The following APBB1IP variants were observed in gnomAD, a reference collection of about 807,000 sequenced individuals.
The protein encoded by APBB1IP is amyloid beta precursor protein binding family B member 1 interacting protein.
APBB1IP carries 27 observed loss-of-function variants against 64.9 expected under a neutral mutation model. That is an observed-to-expected ratio of 0.42 (90% CI 0.31 to 0.57). The LOEUF (loss-of-function observed/expected upper bound fraction) is 0.57, where lower values mean the gene tolerates loss of function less well. Among genes scored for constraint, APBB1IP ranks in the 20% least tolerant of loss-of-function variants. APBB1IP has a pLI of 0.20. For synonymous variants in APBB1IP, 392 were observed against 331.0 expected (o/e 1.18, Z -2.00); for missense variants, 812 against 845.5 (o/e 0.96, Z 0.49).
chr10:26,536,188 A>G lies in APBB1IP; in HGVS notation c.1015A>G (p.Ile339Val). 1 of 1,601,570 alleles carries G rather than the reference A, an allele frequency of 6.2e-7. No individual in the cohort carries two copies. The change falls in exon 10 of 15, where the codon ATT becomes GTT. Residue 339 changes from isoleucine to valine, a missense_variant. Ile to Val is a conservative substitution (Grantham distance 29). This residue lies in a region of APBB1IP where 394 missense variants were observed against 413.1 expected (regional missense o/e 0.95). Coordinates refer to ENST00000376236, the MANE Select transcript of APBB1IP (RefSeq NM_019043.4). The part of the protein sequence containing the change: ...RRYFLLRASG[I>V]YYVPKGKTKT... ...CTATTTTCTTTTACGGGCTTCTGGAATTTATTATGTACCCAAAGGAAAGAC... is the reference window on the plus strand; with the variant it reads ...CTATTTTCTTTTACGGGCTTCTGGAGTTTATTATGTACCCAAAGGAAAGAC...
chr10:26,476,946 G>A (rs1308729723), intron 2 of APBB1IP, among the ~76,000 whole-genome samples: 4 of 152,006 alleles, frequency 2.6e-5, no homozygotes, highest in African/African-American at 4.8e-5. Flanking sequence ...GATTACAGGC[G>A]TATGCCACCA....
intron 8 of APBB1IP, among the ~76,000 whole-genome samples, chr10:26,530,792 T>A (rs1317408351): frequency 6.6e-6 from 1 of 152,168 alleles, no homozygotes; most frequent in East Asian, 1.9e-4. Flanking sequence ...GCAATAGCAA[T>A]GGTACCTATG....
chr10:26,514,730 G>A (rs979054333), intron 8 of APBB1IP, among the ~76,000 whole-genome samples: 21 of 151,850 alleles, frequency 1.4e-4, no homozygotes, highest in Admixed American at 4.6e-4. Flanking sequence ...GCTTCCTTGC[G>A]GGAAAATTTC....
At chr10:26,440,417 C>T (rs1835327478) in intron 2 of APBB1IP, among the ~76,000 whole-genome samples, 1 of 152,096 alleles carries the variant, frequency 6.6e-6, no homozygotes, top group Non-Finnish European at 1.5e-5. Context: ...TAATCATAAC[C>T]ATAACAGATT....
At chr10:26,553,418 G>A (rs1358205743) in intron 11 of APBB1IP, among the ~76,000 whole-genome samples, 5 of 152,112 alleles carry the variant, frequency 3.3e-5, no homozygotes, top group Admixed American at 6.5e-5. Flanking sequence ...TTGGGAGGCC[G>A]AGGCAGGGGG....
intron 8 of APBB1IP, among the ~76,000 whole-genome samples, chr10:26,516,784 C>T (rs1836336837): frequency 6.6e-6 from 1 of 152,116 alleles, no homozygotes; most frequent in South Asian, 2.1e-4. Context: ...AAGGCAACGT[C>T]TTGCATGACT....
intron 2 of APBB1IP, among the ~76,000 whole-genome samples, chr10:26,488,470 C>A (rs1244735669): frequency 1.3e-5 from 2 of 152,078 alleles, no homozygotes; most frequent in African/African-American, 4.8e-5. Context: ...TGGCCTCAAG[C>A]AATCCTCTCC....
At chr10:26,534,992 G>A (rs1269689894) in intron 9 of APBB1IP, among the ~76,000 whole-genome samples, 1 of 152,130 alleles carries the variant, frequency 6.6e-6, no homozygotes, top group Non-Finnish European at 1.5e-5. Context: ...AATGTACTTG[G>A]AGGATGCAAA....
At chr10:26,555,346 C>T (rs929558709) in intron 11 of APBB1IP, among the ~76,000 whole-genome samples, 8 of 152,206 alleles carry the variant, frequency 5.3e-5, no homozygotes, top group African/African-American at 1.7e-4. Context: ...ATTTCTGCTT[C>T]TTCATTCCAT....
At chr10:26,542,277 C>T (rs1033590566) in intron 11 of APBB1IP, among the ~76,000 whole-genome samples, 1 of 152,156 alleles carries the variant, frequency 6.6e-6, no homozygotes, top group Non-Finnish European at 1.5e-5. Context: ...CTGCCTTAGC[C>T]TCTCAAGTAT....
chr10:26,484,025 A>T (rs777757118), intron 2 of APBB1IP, among the ~76,000 whole-genome samples: 8 of 152,246 alleles, frequency 5.3e-5, no homozygotes, highest in Non-Finnish European at 7.3e-5. Context: ...CTAAAAGTAC[A>T]GCTGAAACGG....
At chr10:26,511,946 C>A (rs142230051) in intron 7 of APBB1IP, 40 bp downstream of exon 7, 2 of 1,607,036 alleles carry the variant, frequency 1.2e-6, no homozygotes, top group Middle Eastern at 1.7e-4. Flanking sequence ...CTCCAAAAAC[C>A]TTGTGGGTTT....
intron 12 of APBB1IP, 125 bp from the exon 13 acceptor site, chr10:26,560,605 C>T (rs1836955105): frequency 1.4e-5 from 9 of 630,194 alleles, no homozygotes; most frequent in Non-Finnish European, 1.6e-5. Context: ...AAAAAACCAA[C>T]TCAGACAAGT....
chr10:26,459,274 A>G lies in APBB1IP; in HGVS notation c.-1+20421A>G, dbSNP rs566729806. Among the ~76,000 whole-genome samples, 46 of 151,702 alleles carry G rather than the reference A, an allele frequency of 3.0e-4. No individual in the cohort carries two copies. In the South Asian group the frequency reaches 4.0e-3, roughly 13 times the overall value. On this transcript the variant is annotated intron_variant, in intron 2 of 14. Coordinates refer to ENST00000376236, the MANE Select transcript of APBB1IP (RefSeq NM_019043.4). ...TCCCTACAAAGGACATGAACTCATC[A>G]TTTTTTATGGCTGCATAGTATTCCA...
At chr10:26,510,665 G>A (rs1322200482) in intron 6 of APBB1IP, among the ~76,000 whole-genome samples, 2 of 151,386 alleles carry the variant, frequency 1.3e-5, no homozygotes, top group African/African-American at 4.9e-5. Flanking sequence ...GAGCCCAGGA[G>A]GTTCAGGCTA....
At chr10:26,541,894 CTCTG>C (rs1464006633) in intron 11 of APBB1IP, among the ~76,000 whole-genome samples, 3 of 152,140 alleles carry the variant, frequency 2.0e-5, no homozygotes, top group Non-Finnish European at 4.4e-5. Context: ...TTTAAGGTAA[CTCTG>C]TCTGGGGATT....
rs1836990967 is a variant in APBB1IP at position 26,562,808 on chromosome 10, A to ATAAG, written c.1473+382_1473+383insGTAA. 3.3e-5 allele frequency among the ~76,000 whole-genome samples: 5 copies of ATAAG among 152,158 alleles called. 1 individual carries two copies. The South Asian group carries it at 1.0e-3, about 32-fold the overall frequency. On this transcript the variant is annotated intron_variant, in intron 14 of 14. Coordinates refer to ENST00000376236, the MANE Select transcript of APBB1IP (RefSeq NM_019043.4). ...TAAGATCCAGTCTTAAAATAAATAA[A>ATAAG]TAAATAAATAAATAAATAGAAAATG...
At chr10:26,476,215 C>T (rs975893915) in intron 2 of APBB1IP, among the ~76,000 whole-genome samples, 5 of 151,750 alleles carry the variant, frequency 3.3e-5, no homozygotes, top group Admixed American at 6.6e-5. Flanking sequence ...CCCGCCACCA[C>T]GCCTGGCTAA....
chr10:26,513,105 TA>T (rs1291406080), intron 7 of APBB1IP, among the ~76,000 whole-genome samples: 1 of 152,110 alleles, frequency 6.6e-6, no homozygotes, highest in Non-Finnish European at 1.5e-5. Context: ...CTATTTAAAG[TA>T]AAAAATGTCG....
Sources: allele counts gnomAD v4.1 joint callset (sites outside exome capture counted in the v4.1 genomes callset), GRCh38; gene constraint gnomAD v4.1.1; regional missense constraint gnomAD v4.1.1; transcripts MANE v1.5; gene names NCBI Gene and HGNC (gene_info 2026-07-23, HGNC 2026-07-21).